The following UGT1A9 variants were observed in gnomAD, a reference collection of about 807,000 sequenced individuals.
The protein encoded by UGT1A9 is UDP-glucuronosyltransferase 1A9.
UGT1A9 carries 35 observed loss-of-function variants against 45.0 expected under a neutral mutation model. The observed-to-expected ratio is 0.78, with a 90% CI of 0.59 to 1.03. The LOEUF (loss-of-function observed/expected upper bound fraction) is 1.03, where lower values mean the gene tolerates loss of function less well. Among genes scored for constraint, UGT1A9 ranks in the 50% least tolerant of loss-of-function variants. The pLI, the probability that UGT1A9 is intolerant of heterozygous loss-of-function variation, is 0.00. For synonymous variants in UGT1A9, 278 were observed against 250.6 expected, an observed-to-expected ratio of 1.11 and a Z score of -1.03; for missense variants, 687 against 666.6, an observed-to-expected ratio of 1.03 and a Z score of -0.34.
chr2:233,757,542 ATATATATATATATATATATG>A (rs1365992052), intron 1 of UGT1A9, among the ~76,000 whole-genome samples: 3 of 116,804 alleles, frequency 2.6e-5, no homozygotes, highest in East Asian at 2.1e-4. Context: ...AGGAATATAT[ATATATATATATATATATATG>A]TATATATGAT....
In UGT1A9 at chr2:233,772,291, G is replaced by C; in HGVS notation, c.1325G>C (p.Ser442Thr). Residue 442 changes from serine (S) to threonine (T), a missense_variant, in exon 5 of 5, where the codon AGC becomes ACC. Physicochemically the swap from Ser to Thr is moderately conservative, Grantham distance 58. Transcript: ENST00000354728. ...SYKENIMRLS[S>T]LHKDRPVEPL... ...AAGGAGAACATCATGCGCCTCTCCA[G>C]CCTTCACAAGGACCGCCCGGTGGAG... 1 of 1,614,230 alleles carries C rather than the reference G, an allele frequency of 6.2e-7. No individual in the cohort carries two copies. The highest frequency in any genetic ancestry group is 8.5e-7 in the Non-Finnish European group (1 of 1,180,052).
At chr2:233,751,873 T>C (rs1694839350) in intron 1 of UGT1A9, among the ~76,000 whole-genome samples, 1 of 152,168 alleles carries the variant, frequency 6.6e-6, no homozygotes, top group African/African-American at 2.4e-5. Flanking sequence ...AATTACCCCG[T>C]CTTGGGTATG....
At chr2:233,758,124 A>G (rs1696806452) in intron 1 of UGT1A9, among the ~76,000 whole-genome samples, 1 of 152,212 alleles carries the variant, frequency 6.6e-6, no homozygotes, top group South Asian at 2.1e-4. Flanking sequence ...CGTTCCATAA[A>G]TATTTGGCAG....
At chr2:233,714,334 A>T (rs147538599) in intron 1 of UGT1A9, among the ~76,000 whole-genome samples, 1 of 152,254 alleles carries the variant, frequency 6.6e-6, no homozygotes, top group East Asian at 1.9e-4. Context: ...AGACCTAAGC[A>T]CTCAGAGGAA....
chr2:233,685,426 T>C (rs944472894), intron 1 of UGT1A9, among the ~76,000 whole-genome samples: 7 of 151,650 alleles, frequency 4.6e-5, no homozygotes, highest in African/African-American at 1.7e-4. Flanking sequence ...AATCCAGTTA[T>C]AAAGAATTCG....
chr2:233,766,850 T>C (rs1248093383), intron 1 of UGT1A9, among the ~76,000 whole-genome samples, 184 bp from the exon 2 acceptor site: 1 of 152,222 alleles, frequency 6.6e-6, no homozygotes, highest in Non-Finnish European at 1.5e-5. Flanking sequence ...CTTCCTCCTT[T>C]AGAAGGAAGT....
chr2:233,673,169 G>A (rs2074252812), intron 1 of UGT1A9, among the ~76,000 whole-genome samples: 1 of 151,870 alleles, frequency 6.6e-6, no homozygotes, highest in Non-Finnish European at 1.5e-5. Flanking sequence ...AGTACTTTAG[G>A]TATATACAAT....
At chr2:233,729,965 A>T (rs149856651) in intron 1 of UGT1A9, 3 of 1,613,950 alleles carry the variant, frequency 1.9e-6, no homozygotes, top group Non-Finnish European at 2.5e-6. Context: ...GGGGGCATCA[A>T]CTGTGCCAAC....
chr2:233,684,117 T>A (rs1300300647), intron 1 of UGT1A9, among the ~76,000 whole-genome samples: 1 of 152,240 alleles, frequency 6.6e-6, no homozygotes, highest in Non-Finnish European at 1.5e-5. Context: ...TTGTTCTGGC[T>A]TCTTACAAAG....
In UGT1A9 at chr2:233,672,309, GA is replaced by G; in HGVS notation, c.376del (p.Ser126ValfsTer8). The G allele has an allele frequency of 6.2e-7, 1 of 1,613,968 alleles. No homozygotes were observed. The highest frequency in any genetic ancestry group is 8.5e-7 in the Non-Finnish European group (1 of 1,179,958). ...TTGACTTATTTTTTTCAAATTGCAG[GA>G]GTTTGTTTAAAGACAAAAAATTAGT... ...IFDLFFSNCRSLFKDKKLVEY... is the reference protein window; with the variant it reads ...IFDLFFSNCRXLFKDKKLVEY... On this transcript the variant is annotated frameshift_variant, in exon 1 of 5. Coordinates refer to ENST00000354728, the MANE Select transcript of UGT1A9 (RefSeq NM_021027.3). LOFTEE classifies it high-confidence loss of function.
At chr2:233,680,317 G>A (rs1286027942) in intron 1 of UGT1A9, among the ~76,000 whole-genome samples, 2 of 152,190 alleles carry the variant, frequency 1.3e-5, no homozygotes, top group Non-Finnish European at 2.9e-5. Context: ...ATTTACTAGA[G>A]AGAAGAAACG....
chr2:233,676,403 C>G (rs183347348), intron 1 of UGT1A9, among the ~76,000 whole-genome samples: 2 of 152,226 alleles, frequency 1.3e-5, no homozygotes, highest in South Asian at 2.1e-4. Flanking sequence ...TTTCATCTAC[C>G]CTGTGTCCAG....
intron 1 of UGT1A9, among the ~76,000 whole-genome samples, chr2:233,688,756 A>G (rs1000239457): frequency 4.6e-5 from 7 of 152,238 alleles, no homozygotes; most frequent in African/African-American, 1.7e-4. Context: ...CCATAATCAA[A>G]TGAACATGGC....
chr2:233,747,009 G>A (rs1693538108), intron 1 of UGT1A9, among the ~76,000 whole-genome samples: 1 of 151,886 alleles, frequency 6.6e-6, no homozygotes, highest in African/African-American at 2.4e-5. Context: ...TCAAGTAGGA[G>A]TGATCGGTCT....
At position 233,713,223 on chromosome 2, in the gene UGT1A9, A is replaced by G. The variant is rs72551334; in HGVS notation, c.855+40434A>G. 6 of 1,614,250 alleles carry G rather than the reference A, an allele frequency of 3.7e-6. No homozygotes were observed. In the South Asian group the frequency reaches 4.4e-5, roughly 12 times the overall value. On this transcript the variant is annotated intron_variant, in intron 1 of 4. Coordinates refer to ENST00000354728, the MANE Select transcript of UGT1A9 (RefSeq NM_021027.3). ...CAAAGAAGAGAACTTTTTCACCCTG[A>G]CAACGTATGCCATTTCATGGACCCA...
chr2:233,682,770 A>G, intron 1 of UGT1A9: 2 of 1,613,604 alleles, frequency 1.2e-6, no homozygotes, highest in Non-Finnish European at 8.5e-7. Context: ...ATCAACTGTC[A>G]TCAGGGAAAG....
At position 233,767,899 on chromosome 2, in the gene UGT1A9, G is replaced by T; in HGVS notation, c.1038G>T (p.Thr346=). Residue 346 remains threonine (T), a synonymous_variant, in exon 3 of 5, where the codon ACG becomes ACT. Transcript: ENST00000354728. The part of the protein sequence containing the change: ...GTRPSNLANN[T]ILVKWLPQND... ...GACCATCGAATCTTGCGAACAACAC[G>T]ATACTTGTTAAGTGGCTACCCCAAA... 1 of 1,614,142 alleles carries T rather than the reference G, an allele frequency of 6.2e-7. No individual in the cohort carries two copies. The highest frequency in any genetic ancestry group is 8.5e-7 in the Non-Finnish European group (1 of 1,180,040).
intron 1 of UGT1A9, chr2:233,752,519 T>C (rs1480791131): frequency 6.6e-6 from 1 of 152,208 alleles, no homozygotes; most frequent in East Asian, 1.9e-4. Context: ...ATTTTTCAAT[T>C]CTAAAAATTC....
In UGT1A9 at chr2:233,754,506, C is replaced by T. The variant is rs1695499420; in HGVS notation, c.856-12528C>T. 9 of 356,440 alleles carry T rather than the reference C, an allele frequency of 2.5e-5. 1 individual carries two copies. Among genetic ancestry groups the T allele is most frequent in the Middle Eastern group, 3.8e-4 (1 of 2,606 alleles). The allele number at this position is 356,440 out of a possible 1,614,324, so 22.1% of individuals were successfully genotyped here. ...TCAATCCTAAAAAAAGTCCGCTATT[C>T]CTCCAGATGTGCTTAAAGGCAAATG... On this transcript the variant is annotated intron_variant, in intron 1 of 4. Transcript: ENST00000354728.
Sources: gnomAD v4.1 joint callset for allele counts (sites outside exome capture counted in the v4.1 genomes callset) on GRCh38, gnomAD v4.1.1 for gene constraint, MANE v1.5 for transcripts, NCBI Gene and HGNC (gene_info 2026-07-23, HGNC 2026-07-21) for gene names.